The following ZBTB7C variants were observed in gnomAD, a reference collection of about 807,000 sequenced individuals.
ZBTB7C encodes the protein zinc finger and BTB domain containing 7C, also known as zinc finger and BTB domain-containing protein 7C.
ZBTB7C carries 8 observed loss-of-function variants against 25.7 expected under a neutral mutation model. That is an observed-to-expected ratio of 0.31 (90% confidence interval 0.18 to 0.56). The LOEUF (loss-of-function observed/expected upper bound fraction) is 0.56, where lower values mean the gene tolerates loss of function less well. Ranked by LOEUF, ZBTB7C falls within the 20% of genes least tolerant of loss-of-function variation. ZBTB7C has a pLI of 0.91. For missense variants in ZBTB7C, 824 were observed against 855.2 expected (o/e 0.96, Z 0.46); for synonymous variants, 394 against 369.0 (o/e 1.07, Z -0.78).
intron 2 of ZBTB7C, among the ~76,000 whole-genome samples, chr18:48,283,267 T>C (rs1259795656): frequency 6.6e-6 from 1 of 152,194 alleles, no homozygotes; most frequent in Non-Finnish European, 1.5e-5. Context: ...ATAGCCTAAA[T>C]GTTGAGCAAA....
At chr18:48,301,710 A>G (rs1460276410) in intron 2 of ZBTB7C, among the ~76,000 whole-genome samples, 1 of 152,140 alleles carries the variant, frequency 6.6e-6, no homozygotes, top group African/African-American at 2.4e-5. Flanking sequence ...GCACAGCTGG[A>G]TGAGAGGCAT....
chr18:48,105,994 C>A (rs1459413658), intron 3 of ZBTB7C, among the ~76,000 whole-genome samples: 3 of 152,224 alleles, frequency 2.0e-5, no homozygotes, highest in African/African-American at 7.2e-5. Flanking sequence ...TACTAAAAAT[C>A]CTGATAACAC....
chr18:48,375,836 G>A (rs1387348383), intron 1 of ZBTB7C, among the ~76,000 whole-genome samples: 2 of 152,212 alleles, frequency 1.3e-5, no homozygotes, highest in Non-Finnish European at 2.9e-5. Flanking sequence ...GCAACCAGTT[G>A]TCACTTGAAA....
At chr18:48,335,304 C>T (rs1488278032) in intron 2 of ZBTB7C, among the ~76,000 whole-genome samples, 2 of 152,184 alleles carry the variant, frequency 1.3e-5, no homozygotes, top group African/African-American at 2.4e-5. Context: ...TGAAATTGAT[C>T]GTCACGGGGC....
intron 3 of ZBTB7C, among the ~76,000 whole-genome samples, chr18:48,167,893 A>G (rs1490356990): frequency 2.0e-5 from 3 of 152,240 alleles, no homozygotes; most frequent in Non-Finnish European, 4.4e-5. Context: ...AAAGTTTTCC[A>G]TAAGAGCAGC....
chr18:48,149,692 AC>A (rs1364134309), intron 3 of ZBTB7C: 9 of 152,196 alleles, frequency 5.9e-5, no homozygotes, highest in African/African-American at 2.2e-4. Context: ...TCCTGCAAAG[AC>A]CACATCAAAG....
intron 2 of ZBTB7C, among the ~76,000 whole-genome samples, chr18:48,318,599 T>A (rs2046010568): frequency 6.6e-6 from 1 of 152,210 alleles, no homozygotes; most frequent in African/African-American, 2.4e-5. Flanking sequence ...ACACTGGGCT[T>A]GGGCCCAAAG....
At chr18:48,073,980 G>A (rs1017659604) in intron 3 of ZBTB7C, among the ~76,000 whole-genome samples, 52 of 151,470 alleles carry the variant, frequency 3.4e-4, no homozygotes, top group African/African-American at 1.2e-3. Context: ...TGGGTATTCA[G>A]TCCTCATTAT....
intron 2 of ZBTB7C, among the ~76,000 whole-genome samples, chr18:48,320,884 C>T (rs974216203): frequency 3.3e-5 from 5 of 152,250 alleles, no homozygotes; most frequent in Non-Finnish European, 7.3e-5. Flanking sequence ...AGGGGGCTGA[C>T]TATCCTTCCC....
chr18:48,403,558 A>G (rs1020306219), intron 1 of ZBTB7C, among the ~76,000 whole-genome samples: 7 of 152,234 alleles, frequency 4.6e-5, no homozygotes, highest in Non-Finnish European at 8.8e-5. Context: ...CTGAGTACAT[A>G]GTCGGTAAAT....
At chr18:48,339,152 T>C (rs1253985436) in intron 1 of ZBTB7C, among the ~76,000 whole-genome samples, 1 of 152,220 alleles carries the variant, frequency 6.6e-6, no homozygotes, top group Non-Finnish European at 1.5e-5. Flanking sequence ...GGTCTGCCCA[T>C]CTCCGGACAA....
rs1022328289 is a variant in ZBTB7C, at chr18:48,221,073, G to A, written c.-78-35078C>T. On this transcript the variant is annotated intron_variant, in intron 2 of 4. Transcript: ENST00000590800. The stretch of plus-strand genomic sequence containing the variant: ...ATACTGCCCTTGTCTCCTCTATACT[G>A]TCCCAGTCTCCTCTATACTATCCCA... Among the ~76,000 whole-genome samples, 3 of 145,428 alleles carry A rather than the reference G, an allele frequency of 2.1e-5. No homozygotes were observed. In the East Asian group the frequency reaches 6.3e-4, roughly 30 times the overall value.
chr18:48,202,243 GAC>G (rs1229900136), intron 2 of ZBTB7C, among the ~76,000 whole-genome samples: 2 of 152,230 alleles, frequency 1.3e-5, no homozygotes, highest in Non-Finnish European at 2.9e-5. Context: ...GGGGACAACA[GAC>G]ACACGCAGAG....
intron 2 of ZBTB7C, among the ~76,000 whole-genome samples, chr18:48,201,958 C>T (rs2042460099): frequency 6.6e-6 from 1 of 152,212 alleles, no homozygotes; most frequent in African/African-American, 2.4e-5. Flanking sequence ...CCCTTCCACC[C>T]ACCAGCCTGT....
intron 2 of ZBTB7C, among the ~76,000 whole-genome samples, chr18:48,193,402 A>T (rs2042244545): frequency 6.6e-6 from 1 of 152,086 alleles, no homozygotes; most frequent in African/African-American, 2.4e-5. Flanking sequence ...CCAACACCAG[A>T]TATAGTAGGT....
intron 3 of ZBTB7C, among the ~76,000 whole-genome samples, chr18:48,060,464 T>A (rs1317921479): frequency 3.3e-5 from 5 of 152,072 alleles, no homozygotes; most frequent in Non-Finnish European, 4.4e-5. Context: ...TGGGAGCCCA[T>A]GGCACACCCC....
intron 3 of ZBTB7C, among the ~76,000 whole-genome samples, chr18:48,160,044 T>C (rs76223059): frequency 0.048 from 7,298 of 152,328 alleles, 405 homozygotes; most frequent in African/African-American, 0.14. Context: ...TTAATCGCTC[T>C]GATCTGGAGT....
In ZBTB7C at chr18:48,172,432, G is replaced by A. The variant is rs117853541; in HGVS notation, c.-17+13502C>T. On this transcript the variant is annotated intron_variant, in intron 3 of 4. Transcript: ENST00000590800. ...CAGCCGGAGCTGCAGGCCTGAAGCA[G>A]GTAGAAGGGTTGGGAGCTGGGAGCG... Among the ~76,000 whole-genome samples the A allele has an allele frequency of 7.4e-3, 1,124 of 152,356 alleles. 8 individuals are homozygous for A. The highest frequency in any genetic ancestry group is 0.031 in the Middle Eastern group (9 of 294).
intron 2 of ZBTB7C, among the ~76,000 whole-genome samples, chr18:48,236,173 A>C (rs1308397957): frequency 6.6e-6 from 1 of 152,142 alleles, no homozygotes; most frequent in Admixed American, 6.5e-5. Context: ...TCGTTAGTTC[A>C]CTAAATATCT....
Sources: allele counts gnomAD v4.1 joint callset (sites outside exome capture counted in the v4.1 genomes callset), GRCh38; gene constraint gnomAD v4.1.1; transcripts MANE v1.5; gene names NCBI Gene and HGNC (gene_info 2026-07-23, HGNC 2026-07-21).